Variants in SLCO3A1 observed in about 807,000 individuals in gnomAD.
The protein encoded by SLCO3A1 is solute carrier organic anion transporter family member 3A1, also known as PGE1 transporter.
Under a neutral mutation model 63.1 loss-of-function variants are expected in SLCO3A1, and 27 were observed. The observed-to-expected ratio is 0.43, with a 90% CI of 0.32 to 0.59. The LOEUF is 0.59. SLCO3A1 is among the 20% of genes least tolerant of loss of function. The pLI is 0.09. For missense variants in SLCO3A1, 773 were observed against 945.8 expected, an observed-to-expected ratio of 0.82 and a Z score of 2.40; for synonymous variants, 473 against 409.9, an observed-to-expected ratio of 1.15 and a Z score of -1.86.
intron 2 of SLCO3A1, among the ~76,000 whole-genome samples, chr15:91,961,212 A>G (rs1567039997): frequency 6.6e-6 from 1 of 152,238 alleles, no homozygotes; most frequent in East Asian, 1.9e-4. Context: ...AGAATTATGA[A>G]GCATTTGTAG....
chr15:91,900,544 G>C lies in SLCO3A1; in HGVS notation c.181-15449G>C, dbSNP rs1168513179. Reference sequence around the variant, plus strand: ...GGGTTTCACCATGTTGGCCAGGCTTGTCTCAAACTGCTGACCTCAGGTGAT... The same window carrying C: ...GGGTTTCACCATGTTGGCCAGGCTTCTCTCAAACTGCTGACCTCAGGTGAT... On this transcript the variant is annotated intron_variant, in intron 1 of 9. Coordinates refer to ENST00000318445, the MANE Select transcript of SLCO3A1 (RefSeq NM_013272.4). The surrounding 1 kb of genome is among the most constrained non-coding windows in gnomAD (Gnocchi z 4.3). Among the ~76,000 whole-genome samples, 1 of 152,136 alleles carries C rather than the reference G, an allele frequency of 6.6e-6. No homozygotes were observed. Among genetic ancestry groups the C allele is most frequent in the Non-Finnish European group, 1.5e-5 (1 of 68,026 alleles).
At chr15:92,102,335 T>A (rs1269353054) in intron 3 of SLCO3A1, among the ~76,000 whole-genome samples, 1 of 152,158 alleles carries the variant, frequency 6.6e-6, no homozygotes, top group Non-Finnish European at 1.5e-5. Flanking sequence ...TACCCTTTTT[T>A]AAAAAGATCC....
intron 2 of SLCO3A1, among the ~76,000 whole-genome samples, chr15:92,072,400 T>A (rs2047227561): frequency 6.6e-6 from 1 of 152,184 alleles, no homozygotes; most frequent in Admixed American, 6.5e-5. Context: ...GTGTCTGTGC[T>A]CTGGACTTAA....
intron 2 of SLCO3A1, among the ~76,000 whole-genome samples, chr15:92,063,793 T>G (rs992929583): frequency 6.6e-6 from 1 of 152,106 alleles, no homozygotes; most frequent in Admixed American, 6.5e-5. Flanking sequence ...GAGGTTGCAG[T>G]GAGCCAAGAT....
At chr15:91,904,004 G>T in intron 1 of SLCO3A1, among the ~76,000 whole-genome samples, 1 of 133,858 alleles carries the variant, frequency 7.5e-6, no homozygotes, top group Admixed American at 7.6e-5. Context: ...ATGGAGAAAG[G>T]TCTTCAGGAG....
intron 8 of SLCO3A1, 39 bp downstream of exon 8, chr15:92,147,198 C>T: frequency 1.3e-6 from 2 of 1,580,296 alleles, no homozygotes; most frequent in South Asian, 2.3e-5. Context: ...CTCCTTTCCA[C>T]CTGGTGTTCA....
intron 2 of SLCO3A1, among the ~76,000 whole-genome samples, chr15:92,036,030 C>T (rs919857337): frequency 1.4e-5 from 2 of 146,862 alleles, no homozygotes; most frequent in Non-Finnish European, 3.1e-5. Flanking sequence ...ATAACTGGGG[C>T]GTGGCCACTG....
Position 92,146,900 on chromosome 15 carries a change from T to A in SLCO3A1, c.1513-84T>A, listed in dbSNP as rs2048232022. 4.7e-6 allele frequency: 6 copies of A among 1,264,092 alleles called. No individual in the cohort carries two copies. The South Asian group carries it at 8.7e-5, about 18-fold the overall frequency. The allele number at this position is 1,264,092 out of a possible 1,614,324, so 78.3% of individuals were successfully genotyped here. ...AATGCCACAGAATGTGTAATTAGGCTGTGACAGATTCAGCTGATGGATGGC... is the reference window on the plus strand; with the variant it reads ...AATGCCACAGAATGTGTAATTAGGCAGTGACAGATTCAGCTGATGGATGGC... On this transcript the variant is annotated intron_variant, in intron 7 of 9. Transcript: ENST00000318445.
chr15:92,035,149 C>T (rs374978425), intron 2 of SLCO3A1, among the ~76,000 whole-genome samples: 3 of 151,918 alleles, frequency 2.0e-5, no homozygotes, highest in East Asian at 3.9e-4. Flanking sequence ...TCTCCCATAC[C>T]GGCCATGTAC....
chr15:92,158,134 T>C (rs561742159), intron 9 of SLCO3A1, among the ~76,000 whole-genome samples: 2 of 152,320 alleles, frequency 1.3e-5, no homozygotes, highest in African/African-American at 4.8e-5. Context: ...TGAGTTTGTT[T>C]ACAAAATAAG....
At chr15:91,992,161 A>G (rs74830496) in intron 2 of SLCO3A1, among the ~76,000 whole-genome samples, 253 of 152,350 alleles carry the variant, frequency 1.7e-3, no homozygotes, top group African/African-American at 5.8e-3. Flanking sequence ...TTGCCCTTCT[A>G]AAAGGCAAAT....
intron 6 of SLCO3A1, 120 bp from the exon 7 acceptor site, chr15:92,128,231 C>G: frequency 8.3e-7 from 1 of 1,203,162 alleles, no homozygotes; most frequent in Non-Finnish European, 1.2e-6. Flanking sequence ...AACCAGGTAA[C>G]AATCCCATAA....
chr15:92,091,842 T>C (rs2047481315), intron 2 of SLCO3A1, among the ~76,000 whole-genome samples: 3 of 152,220 alleles, frequency 2.0e-5, no homozygotes, highest in Admixed American at 6.5e-5. Context: ...CCTTTTTAGC[T>C]TATCTTTGTT....
rs1279748268 is a variant in SLCO3A1, at chr15:92,164,315, A to G, written c.*1180A>G. ...AGAATATACAATGTGTTACAAGAAG[A>G]AAAAAAAATGCTTCAAAAAGAGAGT... is the stretch of plus-strand genomic sequence containing the variant. On this transcript the variant is annotated 3_prime_UTR_variant, in exon 10 of 10. Transcript: ENST00000318445. 1 of 975,610 alleles carries G rather than the reference A, an allele frequency of 1.0e-6. No individual in the cohort carries two copies. The highest frequency in any genetic ancestry group is 1.8e-5 in the African/African-American group (1 of 56,854). 60.4% of individuals were successfully genotyped at this position (975,610 alleles called of 1,614,324 possible).
chr15:91,858,878 G>C (rs1033062188), intron 1 of SLCO3A1, among the ~76,000 whole-genome samples: 2 of 152,250 alleles, frequency 1.3e-5, no homozygotes, highest in African/African-American at 4.8e-5. Flanking sequence ...GGATGAACAA[G>C]GGTAGTATTG....
chr15:91,871,199 T>A (rs1897271690), intron 1 of SLCO3A1, among the ~76,000 whole-genome samples: 1 of 152,240 alleles, frequency 6.6e-6, no homozygotes, highest in South Asian at 2.1e-4. Context: ...GCTGGTTTTT[T>A]GTTTCTGTTC....
At chr15:92,143,450 A>ATTATATAATAT (rs1491262453) in intron 7 of SLCO3A1, among the ~76,000 whole-genome samples, 14 of 4,198 alleles carry the variant, frequency 3.3e-3, no homozygotes, top group Middle Eastern at 0.17. Flanking sequence ...ATATATATAT[A>ATTATATAATAT]ATATATATAA....
At chr15:92,101,901 A>G (rs2047609524) in intron 3 of SLCO3A1, among the ~76,000 whole-genome samples, 1 of 152,100 alleles carries the variant, frequency 6.6e-6, no homozygotes, top group South Asian at 2.1e-4. Context: ...TTCCCCAGAC[A>G]TACACATACC....
chr15:92,004,670 G>A (rs532995223), intron 2 of SLCO3A1, among the ~76,000 whole-genome samples: 1 of 152,364 alleles, frequency 6.6e-6, no homozygotes, highest in Admixed American at 6.5e-5. Flanking sequence ...CTTTGAGTTT[G>A]GCAGGGGATA....
Sources: allele counts gnomAD v4.1 joint callset (sites outside exome capture counted in the v4.1 genomes callset), GRCh38; gene constraint gnomAD v4.1.1; non-coding constraint Gnocchi (gnomAD v3.1); transcripts MANE v1.5; gene names NCBI Gene and HGNC (gene_info 2026-07-23, HGNC 2026-07-21).